Variants in RNF130 observed in about 807,000 individuals in gnomAD.
RNF130 encodes the protein E3 ubiquitin-protein ligase RNF130.
Under a neutral mutation model 44.6 loss-of-function variants are expected in RNF130, and 21 were observed. The observed-to-expected ratio is 0.47, with a 90% CI of 0.33 to 0.68. The LOEUF (loss-of-function observed/expected upper bound fraction) is 0.68. RNF130 is among the 30% of genes least tolerant of loss of function. The pLI, the probability that RNF130 is intolerant of heterozygous loss-of-function variation, is 0.02. For synonymous variants in RNF130, 214 were observed against 210.4 expected, an observed-to-expected ratio of 1.02 and a Z score of -0.15; for missense variants, 479 against 560.6, an observed-to-expected ratio of 0.85 and a Z score of 1.47.
intron 2 of RNF130, among the ~76,000 whole-genome samples, chr5:180,022,316 A>G (rs1175422972): frequency 1.3e-5 from 2 of 152,170 alleles, no homozygotes; most frequent in African/African-American, 4.8e-5. Context: ...TACTTTTTAA[A>G]TCAGTACAGA....
chr5:180,020,865 G>C (rs1361507809), intron 2 of RNF130, among the ~76,000 whole-genome samples: 2 of 152,154 alleles, frequency 1.3e-5, no homozygotes, highest in Admixed American at 6.5e-5. Flanking sequence ...AGAATTTCCA[G>C]GGGTTGCCAA....
chr5:179,991,163 G>A (rs1763074484), intron 3 of RNF130, among the ~76,000 whole-genome samples: 1 of 152,154 alleles, frequency 6.6e-6, no homozygotes, highest in Non-Finnish European at 1.5e-5. Context: ...TATCTGCTGA[G>A]AAAGTCTGTT....
Position 179,978,219 on chromosome 5 carries a change from G to A in RNF130, c.832C>T (p.Arg278Ter), listed in dbSNP as rs201375232. The A allele has an allele frequency of 2.5e-6, 4 of 1,613,216 alleles. No homozygotes were observed. Among genetic ancestry groups the A allele is most frequent in the East Asian group, 2.2e-5 (1 of 44,878 alleles). The change falls in exon 5 of 9, where the codon CGA (arginine) becomes TGA (stop). Residue 278 changes from arginine (R) to a stop codon, truncating the protein, a stop_gained. Coordinates refer to ENST00000521389, the MANE Select transcript of RNF130 (RefSeq NM_018434.6). LOFTEE classifies it high-confidence loss of function. ...IESYKQNDVV[R>*]ILPCKHVFHK... The stretch of plus-strand genomic sequence containing the variant: ...TTGACATACTTGCAGGGGAGAATTC[G>A]GACGACATCATTCTGCTTATAGCTC...
chr5:179,944,157 CG>C (rs111748122), intron 7 of RNF130, among the ~76,000 whole-genome samples: 12,218 of 151,630 alleles, frequency 0.081, 1,704 homozygotes, highest in African/African-American at 0.28. Flanking sequence ...TTAGTAGAGA[CG>C]GGGGGGTTCA....
At chr5:179,992,996 T>C (rs1334765049) in intron 3 of RNF130, among the ~76,000 whole-genome samples, 1 of 152,220 alleles carries the variant, frequency 6.6e-6, no homozygotes, top group Non-Finnish European at 1.5e-5. Flanking sequence ...GTCCTTGCAA[T>C]AGTTTGCTGA....
chr5:180,032,628 T>C (rs1764155136), intron 2 of RNF130, among the ~76,000 whole-genome samples: 1 of 152,224 alleles, frequency 6.6e-6, no homozygotes, highest in Non-Finnish European at 1.5e-5. Flanking sequence ...GGCACTTTTG[T>C]TGAAAATCAA....
chr5:179,947,281 G>A (rs1762055701), intron 7 of RNF130, among the ~76,000 whole-genome samples: 1 of 152,116 alleles, frequency 6.6e-6, no homozygotes, highest in Non-Finnish European at 1.5e-5. Context: ...AAATGCATGG[G>A]CCTCCTGACT....
In RNF130 at chr5:179,949,256, G is replaced by A. The variant is rs146149054; in HGVS notation, c.1150+17550C>T. Among the ~76,000 whole-genome samples, 34 of 151,596 alleles carry A rather than the reference G, an allele frequency of 2.2e-4. No individual in the cohort carries two copies. The East Asian group carries it at 2.7e-3, about 12-fold the overall frequency. Reference sequence around the variant, plus strand: ...GCAGGGATTACAGGCATGAGCCACCGTGCCCAGACAATTTTTTTTTTTTTT... The same window carrying A: ...GCAGGGATTACAGGCATGAGCCACCATGCCCAGACAATTTTTTTTTTTTTT... On this transcript the variant is annotated intron_variant, in intron 7 of 7. Coordinates refer to the RNF130 transcript ENST00000522208.
intron 2 of RNF130, among the ~76,000 whole-genome samples, chr5:180,025,348 G>T (rs1244629367): frequency 6.6e-6 from 1 of 152,142 alleles, no homozygotes; most frequent in African/African-American, 2.4e-5. Context: ...CTCTTCTGCT[G>T]CCAGTGAGGA....
At chr5:179,942,616 A>G (rs1761980851) in intron 7 of RNF130, among the ~76,000 whole-genome samples, 1 of 152,226 alleles carries the variant, frequency 6.6e-6, no homozygotes, top group South Asian at 2.1e-4. Flanking sequence ...AAAAGAGAAC[A>G]GAATTCTATA....
At position 180,040,433 on chromosome 5, in the gene RNF130, C is replaced by T; in HGVS notation, c.442+20G>A. ...TTTCTAAGAAGAAAAACAAAATCAACAACCCTCATTTTTGTTTACCTGGAT... is the reference window on the plus strand; with the variant it reads ...TTTCTAAGAAGAAAAACAAAATCAATAACCCTCATTTTTGTTTACCTGGAT... On this transcript the variant is annotated intron_variant, in intron 2 of 8. Coordinates refer to ENST00000521389, the MANE Select transcript of RNF130 (RefSeq NM_018434.6). The T allele has an allele frequency of 6.3e-7, 1 of 1,598,814 alleles. No individual in the cohort carries two copies. Among genetic ancestry groups the T allele is most frequent in the Non-Finnish European group, 8.5e-7 (1 of 1,170,456 alleles).
intron 1 of RNF130, among the ~76,000 whole-genome samples, chr5:180,049,739 A>G (rs1764646192): frequency 6.6e-6 from 1 of 152,234 alleles, no homozygotes; most frequent in African/African-American, 2.4e-5. Flanking sequence ...TTGCATATGT[A>G]TATGATATAG....
intron 7 of RNF130, among the ~76,000 whole-genome samples, chr5:179,933,152 C>T (rs1018441771): frequency 5.3e-5 from 8 of 152,146 alleles, no homozygotes; most frequent in African/African-American, 1.7e-4. Context: ...TTTCTAGTCT[C>T]AGGACAAATT....
chr5:179,958,034 C>T (rs1258630043), intron 8 of RNF130, among the ~76,000 whole-genome samples: 11 of 151,902 alleles, frequency 7.2e-5, no homozygotes, highest in Admixed American at 3.9e-4. Context: ...CCCGCCACTA[C>T]GCCCGGCTAA....
chr5:179,987,160 T>C (rs577507603), intron 3 of RNF130, among the ~76,000 whole-genome samples: 1 of 149,960 alleles, frequency 6.7e-6, no homozygotes, highest in South Asian at 2.1e-4. Flanking sequence ...CCTTCCTTCC[T>C]TTCTTTCTTC....
intron 3 of RNF130, among the ~76,000 whole-genome samples, chr5:180,009,890 C>T (rs1253181284): frequency 1.3e-5 from 2 of 152,100 alleles, no homozygotes; most frequent in Non-Finnish European, 1.5e-5. Context: ...AACGGTGGTA[C>T]ATCCAAACCA....
chr5:180,048,527 C>T (rs138442330), intron 1 of RNF130, among the ~76,000 whole-genome samples: 3,596 of 152,156 alleles, frequency 0.024, 72 homozygotes, highest in Non-Finnish European at 0.038. Context: ...AATCCCAGCA[C>T]TTTGGGAGGC....
chr5:179,922,821 C>A (rs1232813400), intron 7 of RNF130, among the ~76,000 whole-genome samples: 1 of 151,758 alleles, frequency 6.6e-6, no homozygotes, highest in South Asian at 2.1e-4. Flanking sequence ...GTAGTCCCAG[C>A]TACTTGGGAG....
intron 4 of RNF130, among the ~76,000 whole-genome samples, chr5:179,979,507 G>A (rs932733043): frequency 1.3e-5 from 2 of 152,094 alleles, no homozygotes; most frequent in African/African-American, 2.4e-5. Context: ...CTTTTGAGAT[G>A]CCATTTTCCC....
Sources: allele counts gnomAD v4.1 joint callset (sites outside exome capture counted in the v4.1 genomes callset), GRCh38; gene constraint gnomAD v4.1.1; transcripts MANE v1.5; gene names NCBI Gene and HGNC (gene_info 2026-07-23, HGNC 2026-07-21).